EGFR: variants seen among roughly 807,000 people sequenced by gnomAD.
EGFR encodes avian erythroblastic leukemia viral (v-erb-b) oncogene homolog.
EGFR carries 58 observed loss-of-function variants against 143.0 expected under a neutral mutation model. The observed-to-expected ratio is 0.41, with a 90% confidence interval of 0.33 to 0.50. EGFR has a LOEUF of 0.50. EGFR is among the 20% of genes least tolerant of loss of function. The pLI, the probability that EGFR is intolerant of heterozygous loss-of-function variation, is 0.39. For missense variants in EGFR, 1,307 were observed against 1,579.0 expected (o/e 0.83, Z 2.92); for synonymous variants, 613 against 594.4 (o/e 1.03, Z -0.45).
chr7:55,189,013 T>C (rs1375622346), intron 20 of EGFR: 2 of 151,898 alleles, frequency 1.3e-5, no homozygotes, highest in African/African-American at 4.8e-5. Flanking sequence ...TCAGCTGGAT[T>C]TGTTAGATTG....
chr7:55,104,353 C>T (rs1013721933), intron 1 of EGFR, among the ~76,000 whole-genome samples: 1 of 152,184 alleles, frequency 6.6e-6, no homozygotes, highest in Non-Finnish European at 1.5e-5. Flanking sequence ...ACTCCGCCGT[C>T]GCTGCTACTG....
Position 55,161,537 on chromosome 7 carries a change from G to T in EGFR, c.1537G>T (p.Glu513Ter), listed in dbSNP as rs754646330. 1.9e-6 allele frequency: 3 copies of T among 1,614,248 alleles called. No homozygotes were observed. The highest frequency in any genetic ancestry group is 2.5e-6 in the Non-Finnish European group (3 of 1,180,050). Residue 513 changes from glutamate to a stop codon, truncating the protein, a stop_gained, in exon 13 of 28, where the codon GAG becomes TAG. Coordinates refer to ENST00000275493, the MANE Select transcript of EGFR (RefSeq NM_005228.5). LOFTEE classifies it high-confidence loss of function. Reference protein sequence around the residue: ...GQVCHALCSPEGCWGPEPRDC... With the variant: ...GQVCHALCSP ...GGTCTGCCATGCCTTGTGCTCCCCC[G>T]AGGGCTGCTGGGGCCCGGAGCCCAG...
Position 55,030,915 on chromosome 7 carries a change from T to C in EGFR, c.88+11550T>C, listed in dbSNP as rs371636610. ...TGGGTTGAAGGAATGGAATGGAGAG[T>C]GCGGCAGTGAGTAGATCTCTCAGTG... On this transcript the variant is annotated intron_variant, in intron 1 of 27. Transcript: ENST00000275493. 8.5e-5 allele frequency among the ~76,000 whole-genome samples: 13 copies of C among 152,232 alleles called. No homozygotes were observed. The East Asian group carries it at 1.7e-3, about 20-fold the overall frequency.
At chr7:55,108,503 G>C (rs1014419945) in intron 1 of EGFR, among the ~76,000 whole-genome samples, 2 of 152,170 alleles carry the variant, frequency 1.3e-5, no homozygotes, top group Non-Finnish European at 1.5e-5. Context: ...TGAAATCTGT[G>C]GTCAGAGGTT....
In EGFR at chr7:55,181,328, C is replaced by G. The variant is rs768468531; in HGVS notation, c.2319C>G (p.His773Gln). The change falls in exon 20 of 28, where the codon CAC becomes CAG. Residue 773 changes from histidine to glutamine, a missense_variant. Physicochemically the swap from His to Gln is conservative, Grantham distance 24 (BLOSUM62 0). This residue lies in a region of EGFR where 348 missense variants were observed against 451.5 expected (regional missense o/e 0.77). Transcript: ENST00000275493. Reference sequence around the variant, plus strand: ...TGATGGCCAGCGTGGACAACCCCCACGTGTGCCGCCTGCTGGGCATCTGCC... The same window carrying G: ...TGATGGCCAGCGTGGACAACCCCCAGGTGTGCCGCCTGCTGGGCATCTGCC... The part of the protein sequence containing the change: ...AYVMASVDNP[H>Q]VCRLLGICLT... 2.5e-6 allele frequency: 4 copies of G among 1,614,214 alleles called. No homozygotes were observed. In the Admixed American group the frequency reaches 5.0e-5, roughly 20 times the overall value.
intron 1 of EGFR, among the ~76,000 whole-genome samples, chr7:55,139,092 G>A (rs559877499): frequency 2.5e-4 from 38 of 152,244 alleles, no homozygotes; most frequent in African/African-American, 8.4e-4. Flanking sequence ...TCTCAACACT[G>A]TTGCATTGGT....
rs920315649 is a variant in EGFR at position 55,206,930 on chromosome 7, G to T, written c.*1313G>T. ...GGTAGTAAATATGAAACTAGGGTTTGAAATTGATAATGCTTTCACAACATT... is the reference window on the plus strand; with the variant it reads ...GGTAGTAAATATGAAACTAGGGTTTTAAATTGATAATGCTTTCACAACATT... On this transcript the variant is annotated 3_prime_UTR_variant, in exon 28 of 28. Transcript: ENST00000275493. 4.3e-6 allele frequency: 1 copy of T among 233,110 alleles called. No homozygotes were observed. The highest frequency in any genetic ancestry group is 2.2e-5 in the African/African-American group (1 of 45,356). The allele number at this position is 233,110 out of a possible 1,614,324, so 14.4% of individuals were successfully genotyped here.
intron 1 of EGFR, among the ~76,000 whole-genome samples, chr7:55,062,134 T>C (rs1789220629): frequency 6.6e-6 from 1 of 152,120 alleles, no homozygotes; most frequent in Non-Finnish European, 1.5e-5. Context: ...ACAAGAGATG[T>C]CCAAGGCTAG....
rs17289589 is a variant in EGFR, at chr7:55,143,357, G to A, written c.293G>A (p.Arg98Gln). ...YVLIALNTVERIPLENLQIIR... is the reference protein window; with the variant it reads ...YVLIALNTVEQIPLENLQIIR... The stretch of plus-strand genomic sequence containing the variant: ...CTCATTGCCCTCAACACAGTGGAGC[G>A]AATTCCTTTGGAAAACCTGCAGATC... Residue 98 changes from arginine to glutamine, a missense_variant, in exon 3 of 28, where the codon CGA becomes CAA. Physicochemically the swap from Arg to Gln is conservative, Grantham distance 43. This residue lies in a region of EGFR where 311 missense variants were observed against 412.3 expected (regional missense o/e 0.75). Coordinates refer to ENST00000275493, the MANE Select transcript of EGFR (RefSeq NM_005228.5). 8.9e-5 allele frequency: 143 copies of A among 1,614,196 alleles called. No individual in the cohort carries two copies. The highest frequency in any genetic ancestry group is 2.8e-4 in the Admixed American group (17 of 60,022).
chr7:55,132,169 A>T (rs1022735860), intron 1 of EGFR, among the ~76,000 whole-genome samples: 1 of 152,160 alleles, frequency 6.6e-6, no homozygotes, highest in African/African-American at 2.4e-5. Context: ...ACATGGGTAA[A>T]AATTGAAGAA....
At position 55,082,101 on chromosome 7, in the gene EGFR, C is replaced by T. The variant is rs74726043; in HGVS notation, c.89-60185C>T. Among the ~76,000 whole-genome samples, 197 of 152,306 alleles carry T rather than the reference C, an allele frequency of 1.3e-3. 4 individuals carry two copies. In the East Asian group the frequency reaches 0.033, roughly 25 times the overall value. ...ACAGTTTGAAATCCCAATCTAGGGC[C>T]TTCCTCTCACTGTACAAAGTAGGTA... On this transcript the variant is annotated intron_variant, in intron 1 of 27. Transcript: ENST00000275493.
chr7:55,163,190 C>T lies in EGFR; in HGVS notation c.1632-543C>T, dbSNP rs747582826. Reference sequence around the variant, plus strand: ...GAGTCCAGTCTTACTGACAAACAGCCGTACATCTGTTCTGTCTTTTCAATC... The same window carrying T: ...GAGTCCAGTCTTACTGACAAACAGCTGTACATCTGTTCTGTCTTTTCAATC... On this transcript the variant is annotated intron_variant, in intron 13 of 27. Coordinates refer to ENST00000275493, the MANE Select transcript of EGFR (RefSeq NM_005228.5). Among the ~76,000 whole-genome samples, 9 of 152,240 alleles carry T rather than the reference C, an allele frequency of 5.9e-5. No individual in the cohort carries two copies. The East Asian group carries it at 9.6e-4, about 16-fold the overall frequency.
rs1785427017 is a variant in EGFR at position 55,156,526 on chromosome 7, T to C, written c.1007-7T>C. Reference sequence around the variant, plus strand: ...GAACGGAATACACGTCTCTCTTATCTCTGCAGTGTGTAACGGAATAGGTAT... The same window carrying C: ...GAACGGAATACACGTCTCTCTTATCCCTGCAGTGTGTAACGGAATAGGTAT... On this transcript the variant is annotated splice_region_variant and splice_polypyrimidine_tract_variant and intron_variant, in intron 8 of 27. Transcript: ENST00000275493. The C allele has an allele frequency of 6.2e-7, 1 of 1,614,186 alleles. No homozygotes were observed. The highest frequency in any genetic ancestry group is 8.5e-7 in the Non-Finnish European group (1 of 1,180,028).
chr7:55,096,313 G>A (rs1178456660), intron 1 of EGFR, among the ~76,000 whole-genome samples: 1 of 152,212 alleles, frequency 6.6e-6, no homozygotes, highest in Non-Finnish European at 1.5e-5. Flanking sequence ...GTGTTCACCA[G>A]GTGCTTGGTC....
At chr7:55,192,956 T>A (rs1301290310) in intron 22 of EGFR, 115 bp downstream of exon 22, 2 of 926,242 alleles carry the variant, frequency 2.2e-6, no homozygotes, top group Non-Finnish European at 3.5e-6. Flanking sequence ...AGATAATGAC[T>A]AATGATAATG....
rs775554894 is a variant in EGFR, at chr7:55,181,489, A to C, written c.2469+11A>C. The C allele has an allele frequency of 6.2e-7, 1 of 1,614,220 alleles. No homozygotes were observed. ...GTGCAGATCGCAAAGGTAATCAGGG[A>C]AGGGAGATACGGGGAGGGGAGATAA... On this transcript the variant is annotated intron_variant, in intron 20 of 27. Coordinates refer to ENST00000275493, the MANE Select transcript of EGFR (RefSeq NM_005228.5).
intron 1 of EGFR, among the ~76,000 whole-genome samples, chr7:55,034,732 G>A (rs1308756468): frequency 6.6e-6 from 1 of 152,196 alleles, no homozygotes; most frequent in Non-Finnish European, 1.5e-5. Flanking sequence ...AATGCATGCT[G>A]GAGACTTGCT....
intron 1 of EGFR, among the ~76,000 whole-genome samples, chr7:55,135,560 A>C (rs1170246399): frequency 1.3e-5 from 2 of 152,188 alleles, no homozygotes; most frequent in Non-Finnish European, 2.9e-5. Flanking sequence ...TTGCTTTGTG[A>C]ATAAAAGTTG....
At chr7:55,079,134 G>A (rs1425433498) in intron 1 of EGFR, among the ~76,000 whole-genome samples, 2 of 152,188 alleles carry the variant, frequency 1.3e-5, no homozygotes, top group Non-Finnish European at 2.9e-5. Context: ...GGCATGGGCT[G>A]AGGCTGGAGG....
Sources: allele counts gnomAD v4.1 joint callset (sites outside exome capture counted in the v4.1 genomes callset), GRCh38; gene constraint gnomAD v4.1.1; regional missense constraint gnomAD v4.1.1; transcripts MANE v1.5; gene names NCBI Gene and HGNC (gene_info 2026-07-23, HGNC 2026-07-21).